Variants in TXNDC8 observed in about 807,000 individuals in gnomAD.
TXNDC8 encodes thioredoxin domain containing 8.
Under a neutral mutation model 12.9 loss-of-function variants are expected in TXNDC8, and 15 were observed. That is an observed-to-expected ratio of 1.16 (90% CI 0.78 to 1.79). TXNDC8 has a LOEUF of 1.79. Ranked by LOEUF, TXNDC8 falls within the 40% of genes most tolerant of loss-of-function variation. The pLI, the probability that TXNDC8 is intolerant of heterozygous loss-of-function variation, is 0.00. For synonymous variants in TXNDC8, 40 were observed against 35.4 expected (o/e 1.13, Z -0.46); for missense variants, 128 against 113.2 (o/e 1.13, Z -0.59).
chr9:110,311,591 A>G, intron 3 of TXNDC8, among the ~76,000 whole-genome samples: 1 of 111,590 alleles, frequency 9.0e-6, no homozygotes, highest in African/African-American at 3.1e-5. Flanking sequence ...TTACTATATT[A>G]CTATATCCAT....
intron 3 of TXNDC8, chr9:110,324,133 T>C (rs1839218094): frequency 8.3e-7 from 1 of 1,208,620 alleles, no homozygotes; most frequent in Middle Eastern, 2.2e-4. Flanking sequence ...AGAGAGTAAC[T>C]GATGGATAGA....
At chr9:110,319,372 G>GA (rs1839009067) in intron 3 of TXNDC8, among the ~76,000 whole-genome samples, 1 of 152,166 alleles carries the variant, frequency 6.6e-6, no homozygotes, top group Non-Finnish European at 1.5e-5. Flanking sequence ...TCAGAGAGAT[G>GA]GCCGTGCACA....
chr9:110,304,822 A>G (rs1292374794), intron 3 of TXNDC8, among the ~76,000 whole-genome samples: 1 of 152,198 alleles, frequency 6.6e-6, no homozygotes, highest in Admixed American at 6.5e-5. Context: ...GGCAGGAAAC[A>G]TAATAAATTC....
chr9:110,307,691 C>T (rs1315179444), intron 3 of TXNDC8, among the ~76,000 whole-genome samples: 3 of 152,210 alleles, frequency 2.0e-5, no homozygotes, highest in East Asian at 1.9e-4. Flanking sequence ...GAGATAAATG[C>T]ATATCTGATT....
At chr9:110,318,862 A>G (rs1330481481) in intron 3 of TXNDC8, among the ~76,000 whole-genome samples, 1 of 152,250 alleles carries the variant, frequency 6.6e-6, no homozygotes, top group Admixed American at 6.5e-5. Flanking sequence ...CAAAATATCA[A>G]AAATTTAAAT....
Position 110,334,822 on chromosome 9 carries a change from A to G in TXNDC8, c.25-502T>C, listed in dbSNP as rs553711650. 3.3e-5 allele frequency among the ~76,000 whole-genome samples: 5 copies of G among 152,294 alleles called. No homozygotes were observed. The East Asian group carries it at 9.7e-4, about 29-fold the overall frequency. On this transcript the variant is annotated intron_variant, in intron 1 of 4. Coordinates refer to ENST00000423740, the MANE Select transcript of TXNDC8 (RefSeq NM_001286946.2). ...GGATTTTTATTAAACAAGGGCCTAA[A>G]CATGCATGACTAGTGAACTTTAAAA...
At chr9:110,337,167 C>T (rs1839788434) in intron 1 of TXNDC8, among the ~76,000 whole-genome samples, 1 of 152,180 alleles carries the variant, frequency 6.6e-6, no homozygotes, top group East Asian at 1.9e-4. Context: ...ACCCCCTCCC[C>T]TCCTCCAGCT....
rs577858276 is a variant in TXNDC8 at position 110,305,047 on chromosome 9, C to T, written c.196-515G>A. On this transcript the variant is annotated intron_variant, in intron 3 of 4. Transcript: ENST00000423740. ...CCTGTAATTCCAGCTACATGGGAGGCGGAGGCACGAGAATCACTTGAACCC... is the reference window on the plus strand; with the variant it reads ...CCTGTAATTCCAGCTACATGGGAGGTGGAGGCACGAGAATCACTTGAACCC... Among the ~76,000 whole-genome samples the T allele has an allele frequency of 5.2e-4, 76 of 146,586 alleles. 3 individuals are homozygous for T. The South Asian group carries it at 7.2e-3, about 14-fold the overall frequency.
At chr9:110,313,702 AAACAAACAAAT>A (rs1368886029) in intron 3 of TXNDC8, among the ~76,000 whole-genome samples, 1 of 152,208 alleles carries the variant, frequency 6.6e-6, no homozygotes, top group Non-Finnish European at 1.5e-5. Flanking sequence ...CTCTGTCTCA[AAACAAACAAAT>A]AACAAACAAA....
At chr9:110,318,655 G>T (rs1225074007) in intron 3 of TXNDC8, among the ~76,000 whole-genome samples, 1 of 151,992 alleles carries the variant, frequency 6.6e-6, no homozygotes. Flanking sequence ...GGAGAATGGC[G>T]TGAAGCCGGG....
rs1181848228 is a variant in TXNDC8 at position 110,334,264 on chromosome 9, A to G, written c.81T>C (p.Phe27=). 2.5e-6 allele frequency: 4 copies of G among 1,614,042 alleles called. No individual in the cohort carries two copies. The Admixed American group carries it at 6.7e-5, about 27-fold the overall frequency. Residue 27 remains phenylalanine (F), a synonymous_variant, in exon 2 of 5, where the codon TTT becomes TTC. Transcript: ENST00000423740. ...TGCAGGGACCACACCGTTTCGAAGA[A>G]AATTGAACCACTGCGAGTTTGTGTC...
intron 3 of TXNDC8, among the ~76,000 whole-genome samples, chr9:110,322,086 T>C (rs920548860): frequency 3.3e-5 from 5 of 152,320 alleles, no homozygotes; most frequent in African/African-American, 1.2e-4. Flanking sequence ...AAATTATATC[T>C]AAATTGATCC....
intron 3 of TXNDC8, among the ~76,000 whole-genome samples, chr9:110,321,725 A>G (rs113123274): frequency 0.037 from 548 of 14,664 alleles, 2 homozygotes; most frequent in African/African-American, 0.096. Flanking sequence ...CAGTTCTATG[A>G]AAAAAAAAAA....
At chr9:110,317,275 C>T (rs564052160) in intron 3 of TXNDC8, among the ~76,000 whole-genome samples, 7 of 152,164 alleles carry the variant, frequency 4.6e-5, no homozygotes, top group Non-Finnish European at 8.8e-5. Context: ...TTCAATGGCT[C>T]ATATACTTGT....
chr9:110,316,618 T>A (rs1219405625), intron 3 of TXNDC8, among the ~76,000 whole-genome samples: 1 of 152,242 alleles, frequency 6.6e-6, no homozygotes, highest in African/African-American at 2.4e-5. Context: ...AAAAACAATG[T>A]TAATTTTTTT....
At chr9:110,318,665 G>T (rs578188036) in intron 3 of TXNDC8, among the ~76,000 whole-genome samples, 2 of 152,066 alleles carry the variant, frequency 1.3e-5, no homozygotes, top group Non-Finnish European at 2.9e-5. Context: ...GTGAAGCCGG[G>T]AGGCGGAGCT....
At chr9:110,337,441 A>AT (rs1347024517) in intron 1 of TXNDC8, among the ~76,000 whole-genome samples, 11 of 152,214 alleles carry the variant, frequency 7.2e-5, no homozygotes, top group Non-Finnish European at 1.6e-4. Context: ...CCTTACTTCC[A>AT]TGGAATTTTC....
chr9:110,322,199 A>G (rs1249072990), intron 3 of TXNDC8, among the ~76,000 whole-genome samples: 1 of 150,616 alleles, frequency 6.6e-6, no homozygotes, highest in African/African-American at 2.4e-5. Flanking sequence ...TTTTTTTTTA[A>G]ATTCATAACC....
intron 2 of TXNDC8, 87 bp from the exon 4 acceptor site, chr9:110,326,327 C>A: frequency 1.4e-6 from 2 of 1,395,058 alleles, no homozygotes; most frequent in Non-Finnish European, 2.0e-6. Context: ...TTTTAGGAGG[C>A]GTGTCTGAAA....
Sources: allele counts gnomAD v4.1 joint callset (sites outside exome capture counted in the v4.1 genomes callset), GRCh38; gene constraint gnomAD v4.1.1; transcripts MANE v1.5; gene names NCBI Gene and HGNC (gene_info 2026-07-23, HGNC 2026-07-21).